Variants in PTGES3 observed in about 807,000 individuals in gnomAD.
The protein encoded by PTGES3 is Hsp90 co-chaperone.
A neutral mutation model predicts 29.9 loss-of-function variants in PTGES3; 5 were observed. The ratio of observed to expected loss-of-function variants is 0.17; its 90% CI spans 0.09 to 0.35. The LOEUF is 0.35. Among genes scored for constraint, PTGES3 ranks in the 10% least tolerant of loss-of-function variants. The pLI is 1.00. For synonymous variants in PTGES3, 49 were observed against 57.8 expected (o/e 0.85, Z 0.69); for missense variants, 128 against 190.0 (o/e 0.67, Z 1.92).
Position 56,672,932 on chromosome 12 carries a change from G to C in PTGES3, c.116+20C>G, listed in dbSNP as rs575810845. On this transcript the variant is annotated intron_variant, in intron 2 of 7. Transcript: ENST00000262033. ...GTGTGAATGACTATTTTACATCATTGGATAAAAAGCTTAACTTACCTGAAT... is the reference window on the plus strand; with the variant it reads ...GTGTGAATGACTATTTTACATCATTCGATAAAAAGCTTAACTTACCTGAAT... 2 of 1,581,818 alleles carry C rather than the reference G, an allele frequency of 1.3e-6. No individual in the cohort carries two copies. Among genetic ancestry groups the C allele is most frequent in the Admixed American group, 3.7e-5 (2 of 53,450 alleles).
chr12:56,683,335 T>C (rs1042989145), intron 1 of PTGES3, among the ~76,000 whole-genome samples: 2 of 150,956 alleles, frequency 1.3e-5, no homozygotes. Context: ...TAGCCGGGCA[T>C]GGTGGCGCAT....
intron 1 of PTGES3, chr12:56,687,174 G>C (rs1392252970): frequency 9.6e-7 from 1 of 1,036,844 alleles, no homozygotes; most frequent in Non-Finnish European, 1.2e-6. Context: ...AAGATCTTTG[G>C]GACGACTGTA....
At chr12:56,666,728 G>A (rs557234180) in intron 5 of PTGES3, among the ~76,000 whole-genome samples, 30 of 151,920 alleles carry the variant, frequency 2.0e-4, no homozygotes, top group Admixed American at 4.6e-4. Flanking sequence ...CTGGGTTCAC[G>A]CAATTCTCAT....
chr12:56,687,002 CG>C, intron 1 of PTGES3: 1 of 249,878 alleles, frequency 4.0e-6, no homozygotes, highest in East Asian at 6.3e-5. Context: ...AATAACCTCC[CG>C]TCAAAAAAAA....
intron 5 of PTGES3, 54 bp downstream of exon 5, chr12:56,670,221 A>C: frequency 8.3e-7 from 1 of 1,205,916 alleles, no homozygotes; most frequent in Non-Finnish European, 1.2e-6. Context: ...AATTGACTAC[A>C]TAGACAGGTA....
chr12:56,664,357 G>C lies in PTGES3; in HGVS notation c.*122C>G, dbSNP rs1417150673. On this transcript the variant is annotated 3_prime_UTR_variant, in exon 8 of 8. Transcript: ENST00000262033. ...AAAAAACAAACAGGTTGAAAAATGGGTTAAAGTAGGCAAATACAGCATATC... is the reference window on the plus strand; with the variant it reads ...AAAAAACAAACAGGTTGAAAAATGGCTTAAAGTAGGCAAATACAGCATATC... 1 of 1,183,702 alleles carries C rather than the reference G, an allele frequency of 8.4e-7. No homozygotes were observed. The highest frequency in any genetic ancestry group is 2.5e-5 in the East Asian group (1 of 40,810). The allele number at this position is 1,183,702 out of a possible 1,614,324, so 73.3% of individuals were successfully genotyped here.
At chr12:56,678,537 A>G (rs535051513) in intron 1 of PTGES3, among the ~76,000 whole-genome samples, 2 of 152,330 alleles carry the variant, frequency 1.3e-5, no homozygotes, top group South Asian at 4.1e-4. Flanking sequence ...ATGGATTAAA[A>G]TAACTGGGAC....
intron 7 of PTGES3, 88 bp from the exon 8 acceptor site, chr12:56,664,586 G>A (rs778127152): frequency 3.5e-5 from 51 of 1,440,680 alleles, no homozygotes; most frequent in African/African-American, 1.9e-4. Context: ...ACCAAAAATC[G>A]AAATACATAG....
At chr12:56,672,665 C>A in intron 3 of PTGES3, 75 bp downstream of exon 3, 1 of 1,434,788 alleles carries the variant, frequency 7.0e-7, no homozygotes, top group Non-Finnish European at 9.2e-7. Context: ...AACTAATGCT[C>A]ATTGCTAAAA....
chr12:56,687,597 G>A, intron 1 of PTGES3: 3 of 1,074,780 alleles, frequency 2.8e-6, no homozygotes, highest in South Asian at 6.1e-5. Context: ...CCTGGCCCCG[G>A]GACCACAAAG....
At chr12:56,687,853 G>C (rs1056121560) in intron 1 of PTGES3, 145 bp downstream of exon 1, 4 of 1,517,226 alleles carry the variant, frequency 2.6e-6, no homozygotes, top group Non-Finnish European at 3.5e-6. Context: ...ACGGTAACCG[G>C]AACAAGGATC....
At position 56,664,426 on chromosome 12, in the gene PTGES3, T is replaced by C; in HGVS notation, c.*53A>G. On this transcript the variant is annotated 3_prime_UTR_variant, in exon 8 of 8. Transcript: ENST00000262033. The stretch of plus-strand genomic sequence containing the variant: ...CTCAGGAATTCTCTCAATTATGAAA[T>C]CTTGCAGAGAAGTTATTTTTCTTTC... The C allele has an allele frequency of 6.3e-7, 1 of 1,587,192 alleles. No homozygotes were observed. Among genetic ancestry groups the C allele is most frequent in the Non-Finnish European group, 8.6e-7 (1 of 1,163,622 alleles).
intron 3 of PTGES3, 57 bp downstream of exon 3, chr12:56,672,683 T>C (rs1265676854): frequency 2.7e-6 from 4 of 1,480,186 alleles, no homozygotes; most frequent in Non-Finnish European, 3.6e-6. Flanking sequence ...AAAAGAATAC[T>C]TGGTATGTCT....
chr12:56,670,515 T>C, intron 4 of PTGES3, 151 bp from the exon 5 acceptor site: 1 of 611,764 alleles, frequency 1.6e-6, no homozygotes, highest in Non-Finnish European at 2.9e-6. Flanking sequence ...GCAATCCCAC[T>C]ATTGATCAAT....
At chr12:56,676,791 C>G (rs1046204632) in intron 1 of PTGES3, among the ~76,000 whole-genome samples, 1 of 151,514 alleles carries the variant, frequency 6.6e-6, no homozygotes, top group African/African-American at 2.4e-5. Context: ...GGCATGGTGG[C>G]GCGCTCCTAT....
At chr12:56,676,225 C>A (rs1952237846) in intron 1 of PTGES3, among the ~76,000 whole-genome samples, 2 of 65,652 alleles carry the variant, frequency 3.0e-5, no homozygotes, top group South Asian at 1.3e-3. Flanking sequence ...GGCTGTGTCT[C>A]CCCCCCCAAA....
intron 4 of PTGES3, chr12:56,670,816 C>T (rs1951972889): frequency 6.1e-6 from 1 of 163,026 alleles, no homozygotes; most frequent in Non-Finnish European, 1.3e-5. Context: ...AAAGAATAGA[C>T]TAAGCTAAAT....
chr12:56,681,716 A>C (rs1952551942), intron 1 of PTGES3, among the ~76,000 whole-genome samples: 1 of 150,674 alleles, frequency 6.6e-6, no homozygotes. Context: ...TTAGCCAGGT[A>C]CGGTGGCATG....
In PTGES3 at chr12:56,666,240, C is replaced by G; in HGVS notation, c.402G>C (p.Glu134Asp). 6.2e-7 allele frequency: 1 copy of G among 1,610,472 alleles called. No homozygotes were observed. The highest frequency in any genetic ancestry group is 8.5e-7 in the Non-Finnish European group (1 of 1,178,118). The change falls in exon 6 of 8, where the codon GAG (glutamate) becomes GAC (aspartate). Residue 134 changes from glutamate (E) to aspartate (D), a missense_variant. By Grantham distance (45) the Glu-to-Asp change is conservative. Coordinates refer to ENST00000262033, the MANE Select transcript of PTGES3 (RefSeq NM_006601.7). Reference protein sequence around the residue: ...SEMMNNMGGDEDVDLPEVDGA... With the variant: ...SEMMNNMGGDDDVDLPEVDGA... ...CATCTACTTCTGGTAAATCTACATC[C>G]TCATCACCACCCATGTTGTTCATCA...
Sources: gnomAD v4.1 joint callset for allele counts (sites outside exome capture counted in the v4.1 genomes callset) on GRCh38, gnomAD v4.1.1 for gene constraint, MANE v1.5 for transcripts, NCBI Gene and HGNC (gene_info 2026-07-23, HGNC 2026-07-21) for gene names.